Variants in PTBP3 observed in about 807,000 individuals in gnomAD.
The protein encoded by PTBP3 is polypyrimidine tract-binding protein 3.
PTBP3 carries 20 observed loss-of-function variants against 58.7 expected under a neutral mutation model. The ratio of observed to expected loss-of-function variants is 0.34; its 90% CI spans 0.24 to 0.50. The LOEUF (loss-of-function observed/expected upper bound fraction) is 0.50, where lower values mean the gene tolerates loss of function less well. PTBP3 is among the 20% of genes least tolerant of loss of function. The pLI, the probability that PTBP3 is intolerant of heterozygous loss-of-function variation, is 0.98. For synonymous variants in PTBP3, 185 were observed against 219.8 expected, an observed-to-expected ratio of 0.84 and a Z score of 1.40; for missense variants, 509 against 637.2, an observed-to-expected ratio of 0.80 and a Z score of 2.17.
At chr9:112,247,287 TAAATAAATAAA>T (rs1167058423) in intron 7 of PTBP3, among the ~76,000 whole-genome samples, 3 of 149,270 alleles carry the variant, frequency 2.0e-5, no homozygotes, top group African/African-American at 7.4e-5. Flanking sequence ...AATAAATAAA[TAAATAAATAAA>T]TAAATAAATA....
intron 1 of PTBP3, among the ~76,000 whole-genome samples, chr9:112,326,870 T>G (rs762657435): frequency 1.1e-4 from 17 of 152,154 alleles, no homozygotes; most frequent in African/African-American, 3.9e-4. Flanking sequence ...ACATGTACAG[T>G]TATCACTCAT....
chr9:112,304,899 C>G (rs1283782877), intron 1 of PTBP3, among the ~76,000 whole-genome samples: 1 of 152,086 alleles, frequency 6.6e-6, no homozygotes. Context: ...AACTATTCCC[C>G]TATTTTAAAT....
intron 1 of PTBP3, among the ~76,000 whole-genome samples, chr9:112,312,649 CTTCTT>C (rs1391284531): frequency 6.6e-6 from 1 of 151,522 alleles, no homozygotes; most frequent in African/African-American, 2.4e-5. Context: ...TCTTTGTACT[CTTCTT>C]ATAATCTTTC....
chr9:112,248,902 C>T (rs1190574444), intron 7 of PTBP3, among the ~76,000 whole-genome samples: 1 of 152,064 alleles, frequency 6.6e-6, no homozygotes, highest in Non-Finnish European at 1.5e-5. Flanking sequence ...ATTATTCTTC[C>T]AATGGGATAC....
the PTBP3 span, among the ~76,000 whole-genome samples, chr9:112,373,812 T>G: frequency 6.6e-6 from 1 of 152,226 alleles, no homozygotes; most frequent in Non-Finnish European, 1.5e-5. Flanking sequence ...TTAGTACAAG[T>G]GTACACCTAC....
Position 112,297,801 on chromosome 9 carries a change from A to C in PTBP3, c.34+31T>G, listed in dbSNP as rs371493086. 18 of 1,449,150 alleles carry C rather than the reference A, an allele frequency of 1.2e-5. No individual in the cohort carries two copies. In the African/African-American group the frequency reaches 2.8e-4, roughly 22 times the overall value. 89.8% of individuals were successfully genotyped at this position (1,449,150 alleles called of 1,614,324 possible). A position where few individuals can be genotyped will look rare whatever the true frequency, so the allele number is the denominator to read the frequency against. ...AAAAAACAATTTGAAACCCACAGAAATCAAATATTAAAAAAAAAAAAAAAA... is the reference window on the plus strand; with the variant it reads ...AAAAAACAATTTGAAACCCACAGAACTCAAATATTAAAAAAAAAAAAAAAA... On this transcript the variant is annotated intron_variant, in intron 2 of 13. Coordinates refer to ENST00000374257, the MANE Select transcript of PTBP3 (RefSeq NM_001163788.4).
chr9:112,309,319 C>T (rs1421283984), intron 1 of PTBP3, among the ~76,000 whole-genome samples: 1 of 151,966 alleles, frequency 6.6e-6, no homozygotes, highest in East Asian at 1.9e-4. Flanking sequence ...CATACTGGTT[C>T]TGCTCTAAGT....
intron 4 of PTBP3, among the ~76,000 whole-genome samples, chr9:112,263,114 G>A (rs1330357580): frequency 1.3e-5 from 2 of 152,128 alleles, no homozygotes; most frequent in African/African-American, 2.4e-5. Context: ...AGAATGCAAG[G>A]AAATGTTCAA....
chr9:112,276,376 T>C (rs891436397), intron 2 of PTBP3, among the ~76,000 whole-genome samples: 1 of 152,160 alleles, frequency 6.6e-6, no homozygotes, highest in African/African-American at 2.4e-5. Flanking sequence ...TTTAAGGACA[T>C]TTTTCTAATT....
rs767306675 is a variant in PTBP3, at chr9:112,219,544, C to T, written c.*4307G>A. On this transcript the variant is annotated 3_prime_UTR_variant, in exon 14 of 14. Transcript: ENST00000374257. Reference sequence around the variant, plus strand: ...GTTACAAAAACTAAGGAAACTACCACAAAGATTTTGAGCAGCTCTATTCTT... The same window carrying T: ...GTTACAAAAACTAAGGAAACTACCATAAAGATTTTGAGCAGCTCTATTCTT... 5.9e-5 allele frequency: 9 copies of T among 152,572 alleles called. No individual in the cohort carries two copies. The highest frequency in any genetic ancestry group is 1.2e-4 in the Non-Finnish European group (8 of 68,024). 9.5% of individuals were successfully genotyped at this position (152,572 alleles called of 1,614,324 possible).
chr9:112,222,737 T>C lies in PTBP3; in HGVS notation c.*1114A>G. ...AACAAAATGCTTACCAAGCCCACAA[T>C]ATAGCTTTCAAGATATTTAGATTAA... On this transcript the variant is annotated 3_prime_UTR_variant, in exon 14 of 14. Transcript: ENST00000374257. 1.0e-6 allele frequency: 1 copy of C among 973,876 alleles called. No individual in the cohort carries two copies. Among genetic ancestry groups the C allele is most frequent in the Non-Finnish European group, 1.2e-6 (1 of 819,108 alleles). 60.3% of individuals were successfully genotyped at this position (973,876 alleles called of 1,614,324 possible). A position where few individuals can be genotyped will look rare whatever the true frequency, so the allele number is the denominator to read the frequency against.
At chr9:112,228,337 G>A in intron 11 of PTBP3, 43 bp downstream of exon 11, 1 of 1,404,464 alleles carries the variant, frequency 7.1e-7, no homozygotes, top group Non-Finnish European at 9.7e-7. Context: ...CACACAAAAG[G>A]GGCAAGTTCA....
chr9:112,352,527 T>C, the PTBP3 span, among the ~76,000 whole-genome samples: 2 of 152,210 alleles, frequency 1.3e-5, no homozygotes, highest in African/African-American at 4.8e-5. Context: ...AGATACATCT[T>C]CTCTTCTTCA....
chr9:112,379,881 G>T, the PTBP3 span: 8 of 553,236 alleles, frequency 1.4e-5, no homozygotes, highest in Admixed American at 1.4e-4. Context: ...CGTACGACCA[G>T]TGAGGGGGCG....
chr9:112,244,306 A>AAAAAAAAAAAAAAAAG (rs1835788760), intron 7 of PTBP3, among the ~76,000 whole-genome samples: 2 of 147,232 alleles, frequency 1.4e-5, no homozygotes, highest in Admixed American at 1.4e-4. Flanking sequence ...AAAAAAAAAA[A>AAAAAAAAAAAAAAAAG]AGTTCTCAGG....
At chr9:112,270,287 G>A (rs190747042) in intron 3 of PTBP3, among the ~76,000 whole-genome samples, 4 of 151,882 alleles carry the variant, frequency 2.6e-5, no homozygotes, top group Admixed American at 2.6e-4. Flanking sequence ...GTTACATTTT[G>A]AAAAAAGGTT....
chr9:112,339,290 CAA>C, the PTBP3 span, among the ~76,000 whole-genome samples: 978 of 71,688 alleles, frequency 0.014, 3 homozygotes, highest in African/African-American at 0.042. Flanking sequence ...GACTCTGTCT[CAA>C]AAAAAAAAAA....
At chr9:112,253,906 G>T (rs1179026942) in intron 5 of PTBP3, among the ~76,000 whole-genome samples, 2 of 152,130 alleles carry the variant, frequency 1.3e-5, no homozygotes, top group Non-Finnish European at 2.9e-5. Context: ...GTCTCAGGGA[G>T]TATCTTTATA....
rs1034917281 is a variant in PTBP3, at chr9:112,246,296, T to C, written c.802+4633A>G. ...CCGCACCCAGCCAAGAAAAACATTC[T>C]TTATAATAAAATGCTAGCTAATAAA... On this transcript the variant is annotated intron_variant, in intron 7 of 13. Coordinates refer to ENST00000374257, the MANE Select transcript of PTBP3 (RefSeq NM_001163788.4). 5.3e-5 allele frequency among the ~76,000 whole-genome samples: 8 copies of C among 152,002 alleles called. No individual in the cohort carries two copies. The East Asian group carries it at 1.5e-3, about 29-fold the overall frequency.
Sources: allele counts gnomAD v4.1 joint callset (sites outside exome capture counted in the v4.1 genomes callset), GRCh38; gene constraint gnomAD v4.1.1; transcripts MANE v1.5; gene names NCBI Gene and HGNC (gene_info 2026-07-23, HGNC 2026-07-21).